Variants in CCDC146 observed in about 807,000 individuals in gnomAD.
The protein encoded by CCDC146 is coiled-coil domain containing 146, also known as coiled-coil domain-containing protein 146.
CCDC146 carries 92 observed loss-of-function variants against 119.3 expected under a neutral mutation model. The observed-to-expected ratio is 0.77, with a 90% CI of 0.65 to 0.92. The LOEUF is 0.92. CCDC146 is among the 40% of genes least tolerant of loss of function. The pLI is 0.00. For missense variants in CCDC146, 1,000 were observed against 1,103.0 expected (o/e 0.91, Z 1.32); for synonymous variants, 372 against 371.8 (o/e 1.00, Z -0.01).
intron 2 of CCDC146, among the ~76,000 whole-genome samples, chr7:77,225,991 T>G (rs1792505633): frequency 6.6e-6 from 1 of 151,986 alleles, no homozygotes; most frequent in African/African-American, 2.4e-5. Flanking sequence ...AAGCTATTAC[T>G]GATGACTCAA....
chr7:77,150,631 T>G (rs1273056690), intron 1 of CCDC146, among the ~76,000 whole-genome samples: 1 of 152,188 alleles, frequency 6.6e-6, no homozygotes, highest in East Asian at 1.9e-4. Context: ...TACAGCCACT[T>G]TGGGAACCAA....
intron 2 of CCDC146, among the ~76,000 whole-genome samples, chr7:77,217,930 C>A (rs1406271749): frequency 6.6e-6 from 1 of 152,098 alleles, no homozygotes; most frequent in Admixed American, 6.5e-5. Flanking sequence ...ATGGAGCTTG[C>A]AGGACTGGAA....
At position 77,293,026 on chromosome 7, in the gene CCDC146, A is replaced by G; in HGVS notation, c.2490A>G (p.Lys830=). 3 of 1,614,216 alleles carry G rather than the reference A, an allele frequency of 1.9e-6. No individual in the cohort carries two copies. Among genetic ancestry groups the G allele is most frequent in the Non-Finnish European group, 2.5e-6 (3 of 1,180,026 alleles). Reference sequence around the variant, plus strand: ...CTCTTGTTGCTGAGCTGTCCATGAAACAAGCCCTAACCATTGAACTCCAAA... The same window carrying G: ...CTCTTGTTGCTGAGCTGTCCATGAAGCAAGCCCTAACCATTGAACTCCAAA... ...MMALVAELSM[K]QALTIELQKE... The change falls in exon 18 of 19, where the codon AAA becomes AAG. Residue 830 remains lysine (K), a synonymous_variant. Coordinates refer to ENST00000285871, the MANE Select transcript of CCDC146 (RefSeq NM_020879.3).
At chr7:77,231,524 C>G (rs1319185027) in intron 2 of CCDC146, among the ~76,000 whole-genome samples, 1 of 152,022 alleles carries the variant, frequency 6.6e-6, no homozygotes, top group Non-Finnish European at 1.5e-5. Flanking sequence ...GCACTACTGC[C>G]TTCTCTACTG....
intron 3 of CCDC146, among the ~76,000 whole-genome samples, chr7:77,240,396 C>G (rs567985860): frequency 6.6e-6 from 1 of 152,330 alleles, no homozygotes; most frequent in East Asian, 1.9e-4. Flanking sequence ...ACAGTCATCT[C>G]TTGGTATCCT....
chr7:77,274,670 A>G lies in CCDC146; in HGVS notation c.1440+18A>G, dbSNP rs758011167. ...AAGCTCAGGTAACTGCATTTTTTTAACCATTCATTGATAACTACAAGAGTT... is the reference window on the plus strand; with the variant it reads ...AAGCTCAGGTAACTGCATTTTTTTAGCCATTCATTGATAACTACAAGAGTT... On this transcript the variant is annotated intron_variant, in intron 11 of 18. Transcript: ENST00000285871. 47 of 1,597,568 alleles carry G rather than the reference A, an allele frequency of 2.9e-5. No homozygotes were observed. The African/African-American group carries it at 5.7e-4, about 19-fold the overall frequency.
At position 77,196,636 on chromosome 7, in the gene CCDC146, CACATAAA is replaced by C; in HGVS notation, c.156+28815_156+28821del. The C allele has an allele frequency of 6.2e-7, 1 of 1,613,994 alleles. No individual in the cohort carries two copies. Among genetic ancestry groups the C allele is most frequent in the Non-Finnish European group, 8.5e-7 (1 of 1,179,898 alleles). Reference sequence around the variant, plus strand: ...AACGATATTTGAGAAACTCATTAGCCACATAAAACTGATCATACAAGGCATATAGTTC... The same window carrying C: ...AACGATATTTGAGAAACTCATTAGCCACTGATCATACAAGGCATATAGTTC... On this transcript the variant is annotated intron_variant, in intron 2 of 18. Coordinates refer to ENST00000285871, the MANE Select transcript of CCDC146 (RefSeq NM_020879.3). This position sits in a 1 kb window ranked among gnomAD's most constrained non-coding sequence, Gnocchi z 4.2.
intron 4 of CCDC146, among the ~76,000 whole-genome samples, chr7:77,251,257 A>G (rs543142525): frequency 6.6e-6 from 1 of 152,008 alleles, no homozygotes; most frequent in African/African-American, 2.4e-5. Flanking sequence ...CCTGACCTCA[A>G]GTTATCTGCC....
At chr7:77,136,060 AAAC>A (rs760082032) in intron 1 of CCDC146, among the ~76,000 whole-genome samples, 5 of 152,190 alleles carry the variant, frequency 3.3e-5, no homozygotes, top group Non-Finnish European at 7.4e-5. Flanking sequence ...CATGTCTCAA[AAAC>A]AACAACAACA....
chr7:77,146,284 T>G (rs1297987313), intron 1 of CCDC146, among the ~76,000 whole-genome samples: 1 of 152,100 alleles, frequency 6.6e-6, no homozygotes, highest in African/African-American at 2.4e-5. Context: ...TTCCTCCATC[T>G]CTTTATTTTG....
Position 77,256,574 on chromosome 7 carries a change from CAA to C in CCDC146, c.684+66_684+67del, listed in dbSNP as rs1445349882. ...CATGGATATAAAAGTGTGTGGGTAT[CAA>C]GAGTAACCAGCAGGTTGGATAAAGA... On this transcript the variant is annotated intron_variant, in intron 6 of 18. Transcript: ENST00000285871. 10 of 1,296,196 alleles carry C rather than the reference CAA, an allele frequency of 7.7e-6. No individual in the cohort carries two copies. In the East Asian group the frequency reaches 1.9e-4, roughly 25 times the overall value. The allele number at this position is 1,296,196 out of a possible 1,614,324, so 80.3% of individuals were successfully genotyped here. A position where few individuals can be genotyped will look rare whatever the true frequency, so the allele number is the denominator to read the frequency against.
chr7:77,238,563 C>A (rs1353592984), intron 3 of CCDC146, among the ~76,000 whole-genome samples: 1 of 152,086 alleles, frequency 6.6e-6, no homozygotes, highest in African/African-American at 2.4e-5. Context: ...ACTACAGGAG[C>A]CCGCCACCAC....
In CCDC146 at chr7:77,122,970, G is replaced by A. The variant is rs867036190; in HGVS notation, c.-12+238G>A. Among the ~76,000 whole-genome samples the A allele has an allele frequency of 1.7e-4, 25 of 149,640 alleles. No homozygotes were observed. The South Asian group carries it at 3.4e-3, about 21-fold the overall frequency. On this transcript the variant is annotated intron_variant, in intron 1 of 18. Transcript: ENST00000285871. Reference sequence around the variant, plus strand: ...TACTTGCTCCGTCCTGACCCTAAGTGACCTTACTTTGGGTTTTAATTTGCT... The same window carrying A: ...TACTTGCTCCGTCCTGACCCTAAGTAACCTTACTTTGGGTTTTAATTTGCT...
At chr7:77,264,257 AT>A (rs146394446) in intron 9 of CCDC146, among the ~76,000 whole-genome samples, 1 of 150,918 alleles carries the variant, frequency 6.6e-6, no homozygotes, top group Non-Finnish European at 1.5e-5. Context: ...ATTTACTTTG[AT>A]TTTTTTTTCT....
At chr7:77,269,262 T>G (rs1040088613) in intron 9 of CCDC146, among the ~76,000 whole-genome samples, 5 of 152,136 alleles carry the variant, frequency 3.3e-5, no homozygotes, top group Non-Finnish European at 7.4e-5. Context: ...TATTTCCTTG[T>G]GCTCTCTTTG....
At chr7:77,153,545 A>G (rs530924295) in intron 1 of CCDC146, among the ~76,000 whole-genome samples, 78 of 148,876 alleles carry the variant, frequency 5.2e-4, no homozygotes, top group Non-Finnish European at 1.0e-3. Flanking sequence ...ATTAGAAGAT[A>G]ATATCAATCA....
intron 15 of CCDC146, among the ~76,000 whole-genome samples, chr7:77,284,984 G>T (rs565912223): frequency 1.4e-5 from 2 of 146,590 alleles, no homozygotes; most frequent in Admixed American, 1.4e-4. Context: ...CTTGGGGTTT[G>T]TTTTTTTTTT....
intron 14 of CCDC146, among the ~76,000 whole-genome samples, chr7:77,281,304 T>C (rs1263637301): frequency 6.6e-6 from 1 of 152,204 alleles, no homozygotes; most frequent in Non-Finnish European, 1.5e-5. Flanking sequence ...GTACCCAATG[T>C]TGTGGTAAGT....
chr7:77,123,448 G>A (rs1186240255), intron 1 of CCDC146, among the ~76,000 whole-genome samples: 1 of 138,646 alleles, frequency 7.2e-6, no homozygotes, highest in African/African-American at 2.6e-5. Context: ...GTGTGTGTGT[G>A]TGTGTGTGTT....
Sources: gnomAD v4.1 joint callset for allele counts (sites outside exome capture counted in the v4.1 genomes callset) on GRCh38, gnomAD v4.1.1 for gene constraint, Gnocchi (gnomAD v3.1) non-coding constraint, MANE v1.5 for transcripts, NCBI Gene and HGNC (gene_info 2026-07-23, HGNC 2026-07-21) for gene names.